The following DYNC1LI2 variants were observed in gnomAD, a reference collection of about 807,000 sequenced individuals.
DYNC1LI2 encodes dynein cytoplasmic 1 light intermediate chain 2.
A neutral mutation model predicts 57.8 loss-of-function variants in DYNC1LI2; 19 were observed. The ratio of observed to expected loss-of-function variants is 0.33; its 90% confidence interval spans 0.23 to 0.48. DYNC1LI2 has a LOEUF of 0.48. Among genes scored for constraint, DYNC1LI2 ranks in the 20% least tolerant of loss-of-function variants. DYNC1LI2 has a pLI of 0.99. For synonymous variants in DYNC1LI2, 256 were observed against 233.4 expected (o/e 1.10, Z -0.88); for missense variants, 470 against 604.2 (o/e 0.78, Z 2.33).
intron 5 of DYNC1LI2, among the ~76,000 whole-genome samples, chr16:66,735,795 C>T (rs976424155): frequency 1.3e-5 from 2 of 151,960 alleles, no homozygotes; most frequent in East Asian, 1.9e-4. Context: ...CGTGAGCCAC[C>T]GCAACTGGCC....
chr16:66,751,448 G>GA lies in DYNC1LI2; in HGVS notation c.107+36_107+37insT, dbSNP rs1555506795. ...TCCGACGGTCCGGCCCAGAGGCCGCGCCCCCCACGGCCCGGCCCGACCGCC... is the reference window on the plus strand; with the variant it reads ...TCCGACGGTCCGGCCCAGAGGCCGCGACCCCCCACGGCCCGGCCCGACCGCC... On this transcript the variant is annotated intron_variant, in intron 1 of 12. Coordinates refer to ENST00000258198, the MANE Select transcript of DYNC1LI2 (RefSeq NM_006141.3). This position sits in a 1 kb window ranked among gnomAD's most constrained non-coding sequence, Gnocchi z 5.2. 3.2e-6 allele frequency: 5 copies of GA among 1,577,342 alleles called. No homozygotes were observed. In the African/African-American group the frequency reaches 7.1e-5, roughly 22 times the overall value.
At position 66,727,679 on chromosome 16, in the gene DYNC1LI2, A is replaced by C; in HGVS notation, c.1261+9T>G. On this transcript the variant is annotated intron_variant, in intron 11 of 12. Coordinates refer to ENST00000258198, the MANE Select transcript of DYNC1LI2 (RefSeq NM_006141.3). ...TCTCCAAAGAGACATACTTTTGAGG[A>C]ATACATACTTTTGATGTTTGGGTCC... 1 of 1,613,740 alleles carries C rather than the reference A, an allele frequency of 6.2e-7. No individual in the cohort carries two copies. The highest frequency in any genetic ancestry group is 1.3e-5 in the African/African-American group (1 of 75,030).
In DYNC1LI2 at chr16:66,721,623, T is replaced by C. The variant is rs1018976384; in HGVS notation, c.*2099A>G. The C allele has an allele frequency of 1.1e-4, 17 of 152,746 alleles. No homozygotes were observed. The South Asian group carries it at 1.4e-3, about 13-fold the overall frequency. The allele number at this position is 152,746 out of a possible 1,614,324, so 9.5% of individuals were successfully genotyped here. ...GCACATGACACTATGTATCAGCTTCTTCTGATACTAGGAGCTTCCACTTCT... is the reference window on the plus strand; with the variant it reads ...GCACATGACACTATGTATCAGCTTCCTCTGATACTAGGAGCTTCCACTTCT... On this transcript the variant is annotated 3_prime_UTR_variant, in exon 13 of 13. Transcript: ENST00000258198.
rs2018038844 is a variant in DYNC1LI2, at chr16:66,751,066, C to T, written c.181+207G>A. Reference sequence around the variant, plus strand: ...AAACAATATGCCGACAACCCCAAAGCACCACTACGCTCTCCAAAGAGGGCA... The same window carrying T: ...AAACAATATGCCGACAACCCCAAAGTACCACTACGCTCTCCAAAGAGGGCA... On this transcript the variant is annotated intron_variant, in intron 2 of 12. Transcript: ENST00000258198. The surrounding 1 kb of genome is among the most constrained non-coding windows in gnomAD (Gnocchi z 5.2). Among the ~76,000 whole-genome samples, 1 of 152,200 alleles carries T rather than the reference C, an allele frequency of 6.6e-6. No homozygotes were observed. Among genetic ancestry groups the T allele is most frequent in the African/African-American group, 2.4e-5 (1 of 41,454 alleles).
chr16:66,747,335 C>A (rs2017954942), intron 3 of DYNC1LI2, among the ~76,000 whole-genome samples: 1 of 151,918 alleles, frequency 6.6e-6, no homozygotes, highest in African/African-American at 2.4e-5. Flanking sequence ...CTCAGACTCC[C>A]AAAATGCTGG....
At chr16:66,744,623 C>T (rs1001374723) in intron 3 of DYNC1LI2, among the ~76,000 whole-genome samples, 2 of 152,006 alleles carry the variant, frequency 1.3e-5, no homozygotes, top group Admixed American at 6.6e-5. Flanking sequence ...CAACTGCCGC[C>T]GCAACCGCCG....
At chr16:66,731,106 C>A (rs1374106933) in intron 7 of DYNC1LI2, 6 of 152,258 alleles carry the variant, frequency 3.9e-5, no homozygotes, top group Admixed American at 3.9e-4. Context: ...ACCAACAGGA[C>A]CAAATGTGCA....
intron 3 of DYNC1LI2, among the ~76,000 whole-genome samples, chr16:66,747,573 T>C (rs1003381763): frequency 6.6e-6 from 1 of 151,882 alleles, no homozygotes; most frequent in African/African-American, 2.4e-5. Context: ...AAAGTAATTT[T>C]TTTTTTTTTT....
At chr16:66,741,308 T>C (rs188574501) in intron 4 of DYNC1LI2, among the ~76,000 whole-genome samples, 1 of 152,238 alleles carries the variant, frequency 6.6e-6, no homozygotes, top group East Asian at 1.9e-4. Flanking sequence ...AAGGGCTCTA[T>C]TTCAGGAAAA....
chr16:66,724,648 T>C (rs765642511), intron 12 of DYNC1LI2: 3 of 152,124 alleles, frequency 2.0e-5, no homozygotes, highest in African/African-American at 4.8e-5. Context: ...CTCCAAGACA[T>C]AGACCCGCCC....
intron 4 of DYNC1LI2, chr16:66,739,461 G>C (rs966110876): frequency 8.5e-5 from 13 of 152,142 alleles, no homozygotes; most frequent in African/African-American, 3.1e-4. Flanking sequence ...TTGTTTTTGA[G>C]ATAGAGTCTT....
chr16:66,725,679 C>T (rs543651417), intron 12 of DYNC1LI2, 149 bp downstream of exon 12: 5 of 733,948 alleles, frequency 6.8e-6, no homozygotes, highest in South Asian at 6.2e-5. Context: ...CCACTGAAAG[C>T]ACGGCACACT....
Position 66,734,320 on chromosome 16 carries a change from AAGAC to A in DYNC1LI2, c.700-13_700-10del, listed in dbSNP as rs1476261065. ...ACACTCACCGCATCACACTGCAGGG[AAGAC>A]AGACAGAGTCACCTTTTTGCTTCAT... On this transcript the variant is annotated splice_polypyrimidine_tract_variant and intron_variant, in intron 5 of 12. Transcript: ENST00000258198. 39 of 1,613,702 alleles carry A rather than the reference AAGAC, an allele frequency of 2.4e-5. No homozygotes were observed. Among genetic ancestry groups the A allele is most frequent in the East Asian group, 1.1e-4 (5 of 44,896 alleles).
chr16:66,736,576 A>G (rs939649102), intron 4 of DYNC1LI2, among the ~76,000 whole-genome samples: 1 of 152,048 alleles, frequency 6.6e-6, no homozygotes, highest in African/African-American at 2.4e-5. Context: ...CAGCAGTCTG[A>G]TATCACCATC....
intron 4 of DYNC1LI2, 118 bp downstream of exon 4, chr16:66,742,320 G>T: frequency 9.9e-7 from 1 of 1,013,258 alleles, no homozygotes; most frequent in Non-Finnish European, 1.4e-6. Context: ...AATAAATGGT[G>T]CAAACAAAAC....
intron 9 of DYNC1LI2, 56 bp from the exon 10 acceptor site, chr16:66,728,298 G>C (rs1438533077): frequency 1.2e-6 from 2 of 1,604,526 alleles, no homozygotes; most frequent in Non-Finnish European, 1.7e-6. Flanking sequence ...AGCACTGAAG[G>C]TCTAGAGAAA....
chr16:66,732,940 A>G (rs1482767540), intron 6 of DYNC1LI2: 7 of 152,396 alleles, frequency 4.6e-5, no homozygotes, highest in African/African-American at 1.7e-4. Flanking sequence ...GGGTGCCAAC[A>G]GGCTAATGGG....
At position 66,723,585 on chromosome 16, in the gene DYNC1LI2, T is replaced by G; in HGVS notation, c.*137A>C. The G allele has an allele frequency of 3.5e-6, 1 of 289,366 alleles. No individual in the cohort carries two copies. Among genetic ancestry groups the G allele is most frequent in the Non-Finnish European group, 6.0e-6 (1 of 166,716 alleles). 17.9% of individuals were successfully genotyped at this position (289,366 alleles called of 1,614,324 possible). ...TTCACACTCGGACAAGCCAATGAAG[T>G]TTTTTTTTTTTTTTTAAAGTTCATC... On this transcript the variant is annotated 3_prime_UTR_variant, in exon 13 of 13. Coordinates refer to ENST00000258198, the MANE Select transcript of DYNC1LI2 (RefSeq NM_006141.3).
chr16:66,739,401 T>C (rs903066813), intron 4 of DYNC1LI2: 1 of 152,258 alleles, frequency 6.6e-6, no homozygotes, highest in African/African-American at 2.4e-5. Context: ...TGCCCAACAA[T>C]AGGAAATTCA....
Sources: allele counts gnomAD v4.1 joint callset (sites outside exome capture counted in the v4.1 genomes callset), GRCh38; gene constraint gnomAD v4.1.1; non-coding constraint Gnocchi (gnomAD v3.1); transcripts MANE v1.5; gene names NCBI Gene and HGNC (gene_info 2026-07-23, HGNC 2026-07-21).